Variants in ELP4 observed in about 807,000 individuals in gnomAD.
ELP4 encodes elongator acetyltransferase complex subunit 4, also known as elongator complex protein 4.
Under a neutral mutation model 48.9 loss-of-function variants are expected in ELP4, and 51 were observed. That is an observed-to-expected ratio of 1.04 (90% CI 0.83 to 1.32). ELP4 has a LOEUF of 1.32. ELP4 is among the 40% of genes most tolerant of loss of function. The pLI, the probability that ELP4 is intolerant of heterozygous loss-of-function variation, is 0.00. For synonymous variants in ELP4, 210 were observed against 189.2 expected (o/e 1.11, Z -0.90); for missense variants, 519 against 514.6 (o/e 1.01, Z -0.08).
intron 9 of ELP4, among the ~76,000 whole-genome samples, chr11:31,675,585 A>AT (rs1945906798): frequency 6.6e-6 from 1 of 152,168 alleles, no homozygotes; most frequent in Non-Finnish European, 1.5e-5. Flanking sequence ...TAAAAAATAT[A>AT]TTAAGCATAT....
intron 9 of ELP4, among the ~76,000 whole-genome samples, chr11:31,690,090 G>A (rs953500487): frequency 1.3e-5 from 2 of 152,140 alleles, no homozygotes; most frequent in Non-Finnish European, 2.9e-5. Context: ...AATTCCTTCA[G>A]AATAAATATT....
intron 8 of ELP4, chr11:31,649,857 A>G (rs1019274001): frequency 1.6e-5 from 5 of 307,910 alleles, no homozygotes; most frequent in African/African-American, 1.1e-4. Flanking sequence ...ACAAGTATTA[A>G]GATCCCTCTT....
intron 9 of ELP4, among the ~76,000 whole-genome samples, chr11:31,710,869 T>G (rs1473882676): frequency 6.6e-6 from 1 of 152,144 alleles, no homozygotes; most frequent in Non-Finnish European, 1.5e-5. Flanking sequence ...TACAATATAA[T>G]AGGGGAGACT....
chr11:31,763,761 T>C (rs1947994100), intron 9 of ELP4, among the ~76,000 whole-genome samples: 1 of 152,202 alleles, frequency 6.6e-6, no homozygotes, highest in African/African-American at 2.4e-5. Flanking sequence ...ACCTTTTTTT[T>C]TTAAGCCTTT....
intron 3 of ELP4, among the ~76,000 whole-genome samples, chr11:31,589,121 T>G (rs942633716): frequency 2.0e-5 from 3 of 152,206 alleles, no homozygotes; most frequent in Non-Finnish European, 4.4e-5. Flanking sequence ...CAAAGAAAGC[T>G]GTGGTATTAA....
rs1306417078 is a variant in ELP4, at chr11:31,546,533, G to A, written c.381+6750G>A. On this transcript the variant is annotated intron_variant, in intron 3 of 9. Transcript: ENST00000640961. ...AGACTTAGACTCCCACACATTAATAGTGGGAGATTTTAACACCCCACTGTC... is the reference window on the plus strand; with the variant it reads ...AGACTTAGACTCCCACACATTAATAATGGGAGATTTTAACACCCCACTGTC... Among the ~76,000 whole-genome samples the A allele has an allele frequency of 1.2e-4, 18 of 152,016 alleles. 1 individual carries two copies. The highest frequency in any genetic ancestry group is 2.6e-4 in the Admixed American group (4 of 15,264).
intron 9 of ELP4, among the ~76,000 whole-genome samples, chr11:31,768,634 A>G (rs1362115444): frequency 6.6e-6 from 1 of 152,218 alleles, no homozygotes; most frequent in Non-Finnish European, 1.5e-5. Context: ...CATTCATACC[A>G]GGTAGACTTT....
intron 3 of ELP4, among the ~76,000 whole-genome samples, chr11:31,565,513 C>T (rs1190204894): frequency 1.4e-5 from 2 of 147,918 alleles, no homozygotes; most frequent in Non-Finnish European, 3.0e-5. Flanking sequence ...TTCGGTCTAA[C>T]ATTTAAGTCT....
intron 3 of ELP4, among the ~76,000 whole-genome samples, chr11:31,556,354 A>G (rs1565051554): frequency 6.6e-6 from 1 of 151,968 alleles, no homozygotes; most frequent in Admixed American, 6.6e-5. Context: ...AGTATTTTCC[A>G]TGAAAACTTT....
intron 9 of ELP4, among the ~76,000 whole-genome samples, chr11:31,693,710 A>G (rs901162756): frequency 2.6e-5 from 4 of 152,142 alleles, no homozygotes; most frequent in African/African-American, 4.8e-5. Context: ...TAGTATTTCT[A>G]GTTCTAGATC....
At chr11:31,577,284 CAAT>C (rs1957300911) in intron 3 of ELP4, among the ~76,000 whole-genome samples, 1 of 152,106 alleles carries the variant, frequency 6.6e-6, no homozygotes, top group South Asian at 2.1e-4. Flanking sequence ...GAAATTGAGG[CAAT>C]AATTAATAAC....
intron 4 of ELP4, among the ~76,000 whole-genome samples, chr11:31,603,150 A>G (rs1340927297): frequency 6.6e-6 from 1 of 151,888 alleles, no homozygotes; most frequent in Non-Finnish European, 1.5e-5. Flanking sequence ...GATTGATCTA[A>G]TGTGGGTCAT....
intron 2 of ELP4, among the ~76,000 whole-genome samples, chr11:31,538,359 AAT>A (rs1348074756): frequency 6.7e-6 from 1 of 148,344 alleles, no homozygotes; most frequent in Non-Finnish European, 1.5e-5. Flanking sequence ...ATTACTATAT[AAT>A]AGTTATATAA....
chr11:31,635,087 G>A (rs922539368), intron 7 of ELP4, among the ~76,000 whole-genome samples: 13 of 151,830 alleles, frequency 8.6e-5, no homozygotes, highest in African/African-American at 3.1e-4. Flanking sequence ...AAATGTTTAG[G>A]AGAAAATATA....
intron 3 of ELP4, among the ~76,000 whole-genome samples, chr11:31,547,073 G>A (rs1311822381): frequency 6.6e-6 from 1 of 152,146 alleles, no homozygotes; most frequent in African/African-American, 2.4e-5. Context: ...ACAATTAAAA[G>A]AACTAGAGAA....
chr11:31,717,978 A>T (rs2134181695), intron 9 of ELP4, among the ~76,000 whole-genome samples: 2 of 152,114 alleles, frequency 1.3e-5, no homozygotes, highest in South Asian at 4.2e-4. Flanking sequence ...CCTTTCTTTA[A>T]TGGACCCGGG....
At chr11:31,719,223 A>G (rs570639296) in intron 9 of ELP4, among the ~76,000 whole-genome samples, 7 of 151,982 alleles carry the variant, frequency 4.6e-5, no homozygotes, top group African/African-American at 1.4e-4. Flanking sequence ...CACCACTGCA[A>G]TACTCCAGCC....
rs1246585894 is a variant in ELP4, at chr11:31,650,102, T to A, written c.1037-13T>A. 8.8e-7 allele frequency: 1 copy of A among 1,140,316 alleles called. No homozygotes were observed. Among genetic ancestry groups the A allele is most frequent in the Non-Finnish European group, 1.3e-6 (1 of 768,594 alleles). 70.6% of individuals were successfully genotyped at this position (1,140,316 alleles called of 1,614,324 possible). A position where few individuals can be genotyped will look rare whatever the true frequency, so the allele number is the denominator to read the frequency against. On this transcript the variant is annotated splice_polypyrimidine_tract_variant and intron_variant, in intron 8 of 9. Coordinates refer to ENST00000640961, the MANE Select transcript of ELP4 (RefSeq NM_019040.5). ...GTTTTAAATTTTTTTTCTTTTAATTTCTTTTCCACAAGGATTGATTCATAT... is the reference window on the plus strand; with the variant it reads ...GTTTTAAATTTTTTTTCTTTTAATTACTTTTCCACAAGGATTGATTCATAT...
intron 3 of ELP4, among the ~76,000 whole-genome samples, chr11:31,565,699 T>C (rs1187934578): frequency 6.6e-6 from 1 of 151,114 alleles, no homozygotes; most frequent in Non-Finnish European, 1.5e-5. Flanking sequence ...TGTGGTATTA[T>C]TTCTGAGGGC....
Sources: gnomAD v4.1 joint callset for allele counts (sites outside exome capture counted in the v4.1 genomes callset) on GRCh38, gnomAD v4.1.1 for gene constraint, MANE v1.5 for transcripts, NCBI Gene and HGNC (gene_info 2026-07-23, HGNC 2026-07-21) for gene names.